Variants in PRKCE observed in about 807,000 individuals in gnomAD.
PRKCE encodes the protein protein kinase C epsilon type.
Under a neutral mutation model 85.4 loss-of-function variants are expected in PRKCE, and 16 were observed. That is an observed-to-expected ratio of 0.19 (90% CI 0.13 to 0.28). The LOEUF (loss-of-function observed/expected upper bound fraction) is 0.28. PRKCE is among the 10% of genes least tolerant of loss of function. The pLI is 1.00. For missense variants in PRKCE, 573 were observed against 975.2 expected (o/e 0.59, Z 5.49); for synonymous variants, 388 against 371.5 (o/e 1.04, Z -0.51).
intron 1 of PRKCE, among the ~76,000 whole-genome samples, chr2:45,809,905 A>G (rs1349291928): frequency 6.6e-6 from 1 of 151,970 alleles, no homozygotes; most frequent in African/African-American, 2.4e-5. Context: ...TCTGGGTACA[A>G]GCCCAAGGAG....
Position 45,925,945 on chromosome 2 carries a change from G to A in PRKCE, c.413-50484G>A, listed in dbSNP as rs543060928. ...AGGGATAACCTGAGGGTGCGATTCG[G>A]TGGGGGAGGCAAGGCTAACTTCAGT... is the stretch of plus-strand genomic sequence containing the variant. On this transcript the variant is annotated intron_variant, in intron 2 of 14. Transcript: ENST00000306156. Among the ~76,000 whole-genome samples the A allele has an allele frequency of 6.6e-5, 10 of 152,356 alleles. No individual in the cohort carries two copies. In the South Asian group the frequency reaches 1.9e-3, roughly 28 times the overall value.
chr2:46,017,448 C>A (rs1706264176), intron 10 of PRKCE, among the ~76,000 whole-genome samples: 1 of 152,298 alleles, frequency 6.6e-6, no homozygotes, highest in Middle Eastern at 3.4e-3. Flanking sequence ...TTTCACTTAT[C>A]ATCTATGGAT....
In PRKCE at chr2:45,712,671, T is replaced by G. The variant is rs559073359; in HGVS notation, c.348+60223T>G. On this transcript the variant is annotated intron_variant, in intron 1 of 14. Transcript: ENST00000306156. ...TGGGGCCTGGACAGGCCATTCCCTT[T>G]GCCTGGAAGGGCCTTTTGCCTTTTT... is the stretch of plus-strand genomic sequence containing the variant. Among the ~76,000 whole-genome samples the G allele has an allele frequency of 3.3e-5, 5 of 152,308 alleles. No homozygotes were observed. In the East Asian group the frequency reaches 9.7e-4, roughly 29 times the overall value.
rs564716732 is a variant in PRKCE at position 46,100,518 on chromosome 2, G to C, written c.1592+14156G>C. 1.2e-3 allele frequency among the ~76,000 whole-genome samples: 180 copies of C among 152,258 alleles called. 1 individual carries two copies. The highest frequency in any genetic ancestry group is 4.3e-3 in the African/African-American group (179 of 41,544). On this transcript the variant is annotated intron_variant, in intron 11 of 14. Transcript: ENST00000306156. ...ATGCTTGCTCAGAAGTCCTAGTCCT[G>C]TCAGGATTGAGAATGCCACCCCTGA...
chr2:45,686,222 A>G (rs1316240368), intron 1 of PRKCE: 2 of 152,274 alleles, frequency 1.3e-5, no homozygotes, highest in Non-Finnish European at 1.5e-5. Context: ...TCCTGCTTCT[A>G]TTCTGTTTCA....
intron 1 of PRKCE, among the ~76,000 whole-genome samples, chr2:45,678,549 T>C (rs1404259986): frequency 6.8e-6 from 1 of 147,354 alleles, no homozygotes; most frequent in Non-Finnish European, 1.5e-5. Context: ...TTTAGTGTAT[T>C]AAAACTAATA....
intron 1 of PRKCE, among the ~76,000 whole-genome samples, chr2:45,825,736 A>T (rs547584294): frequency 1.3e-5 from 2 of 152,272 alleles, no homozygotes; most frequent in African/African-American, 4.8e-5. Context: ...ATGTTAAAAA[A>T]AATTAGCCAG....
At chr2:46,060,751 T>TTG (rs1553335164) in intron 10 of PRKCE, among the ~76,000 whole-genome samples, 1 of 151,678 alleles carries the variant, frequency 6.6e-6, no homozygotes, top group Non-Finnish European at 1.5e-5. Context: ...CTCCTTTTTT[T>TTG]TTTTTTTGTT....
intron 10 of PRKCE, among the ~76,000 whole-genome samples, chr2:46,038,354 G>GA (rs993863421): frequency 1.3e-4 from 20 of 148,238 alleles, no homozygotes; most frequent in Admixed American, 1.0e-3. Context: ...TCTAAACTAG[G>GA]AAAAAAAAAA....
At position 45,652,501 on chromosome 2, in the gene PRKCE, G is replaced by T. The variant is rs1371770598; in HGVS notation, c.348+53G>T. On this transcript the variant is annotated intron_variant, in intron 1 of 14. Coordinates refer to ENST00000306156, the MANE Select transcript of PRKCE (RefSeq NM_005400.3). The surrounding 1 kb of genome is among the most constrained non-coding windows in gnomAD (Gnocchi z 7.7). ...GGGAACCCGGTTGTGGGGTCCCGGG[G>T]AAAGACTCGCTGGTCTTGATCGTAG... The T allele has an allele frequency of 5.4e-6, 8 of 1,480,192 alleles. No individual in the cohort carries two copies. Among genetic ancestry groups the T allele is most frequent in the Middle Eastern group, 2.4e-4 (1 of 4,138 alleles). 91.7% of individuals were successfully genotyped at this position (1,480,192 alleles called of 1,614,324 possible). A position where few individuals can be genotyped will look rare whatever the true frequency, so the allele number is the denominator to read the frequency against.
intron 1 of PRKCE, among the ~76,000 whole-genome samples, chr2:45,825,792 G>A (rs1435378167): frequency 6.6e-6 from 1 of 152,144 alleles, no homozygotes; most frequent in Admixed American, 6.5e-5. Context: ...GGAGGCTGAG[G>A]CAGGAAGATC....
chr2:45,693,123 T>G (rs1677870347), intron 1 of PRKCE, among the ~76,000 whole-genome samples: 4 of 148,090 alleles, frequency 2.7e-5, no homozygotes, highest in African/African-American at 5.0e-5. Flanking sequence ...GGTAGGGGAG[T>G]GAAGTAGGTG....
chr2:45,982,658 A>T (rs921695891), intron 5 of PRKCE, among the ~76,000 whole-genome samples: 1 of 152,102 alleles, frequency 6.6e-6, no homozygotes, highest in African/African-American at 2.4e-5. Context: ...GCAAGCGCAC[A>T]TGTGACATGT....
At chr2:45,705,432 T>G (rs1024197672) in intron 1 of PRKCE, among the ~76,000 whole-genome samples, 11 of 152,290 alleles carry the variant, frequency 7.2e-5, no homozygotes, top group African/African-American at 2.2e-4. Context: ...GACTGCCAGT[T>G]GGGGGTATAT....
intron 14 of PRKCE, among the ~76,000 whole-genome samples, chr2:46,170,144 A>G (rs1467159818): frequency 6.6e-6 from 1 of 152,198 alleles, no homozygotes. Flanking sequence ...TCATACACCC[A>G]TGTGACCACC....
chr2:45,868,863 C>T (rs1202821412), intron 2 of PRKCE, among the ~76,000 whole-genome samples: 1 of 150,418 alleles, frequency 6.6e-6, no homozygotes, highest in Non-Finnish European at 1.5e-5. Context: ...GAGGCTGAGA[C>T]AGAAGAATCT....
intron 1 of PRKCE, among the ~76,000 whole-genome samples, chr2:45,797,107 C>T (rs977158434): frequency 6.6e-6 from 1 of 152,150 alleles, no homozygotes; most frequent in Non-Finnish European, 1.5e-5. Context: ...TGCTGTCTAG[C>T]GTTTGATGTT....
intron 2 of PRKCE, among the ~76,000 whole-genome samples, chr2:45,919,919 G>A (rs1389759473): frequency 6.6e-6 from 1 of 152,234 alleles, no homozygotes; most frequent in Non-Finnish European, 1.5e-5. Flanking sequence ...GTGGAAAAGG[G>A]TGCGTGAGTG....
chr2:45,860,090 C>T (rs573659162), intron 2 of PRKCE, among the ~76,000 whole-genome samples: 9 of 151,466 alleles, frequency 5.9e-5, no homozygotes, highest in East Asian at 4.2e-4. Context: ...ACTAATTATC[C>T]GTTTGCCCCT....
Sources: gnomAD v4.1 joint callset for allele counts (sites outside exome capture counted in the v4.1 genomes callset) on GRCh38, gnomAD v4.1.1 for gene constraint, Gnocchi (gnomAD v3.1) non-coding constraint, MANE v1.5 for transcripts, NCBI Gene and HGNC (gene_info 2026-07-23, HGNC 2026-07-21) for gene names.